RGS21: variants seen among roughly 807,000 people sequenced by gnomAD.
The protein encoded by RGS21 is regulator of G protein signaling 21.
In RGS21, 19 loss-of-function variants were observed where a neutral mutation model predicts 18.7. The ratio of observed to expected loss-of-function variants is 1.01; its 90% confidence interval spans 0.71 to 1.49. RGS21 has a LOEUF of 1.49. RGS21 is among the 40% of genes most tolerant of loss of function. The probability of loss-of-function intolerance (pLI) is 0.00; values close to 1 mark genes in which losing one functional copy is unlikely to be tolerated. For synonymous variants in RGS21, 56 were observed against 57.8 expected (o/e 0.97, Z 0.14); for missense variants, 194 against 176.8 (o/e 1.10, Z -0.55).
chr1:192,319,223 C>G (rs545502849), intron 1 of RGS21, among the ~76,000 whole-genome samples: 2 of 152,218 alleles, frequency 1.3e-5, no homozygotes, highest in African/African-American at 2.4e-5. Flanking sequence ...GCGCTACAGA[C>G]TGGGTGAGAG....
At chr1:192,342,933 T>C in intron 1 of RGS21, 44 bp from the exon 2 acceptor site, 1 of 1,130,420 alleles carries the variant, frequency 8.8e-7, no homozygotes, top group Non-Finnish European at 1.3e-6. Context: ...GGGATAGGTA[T>C]TCGCATACTA....
At chr1:192,343,158 T>C in intron 2 of RGS21, 111 bp downstream of exon 2, 1 of 1,031,662 alleles carries the variant, frequency 9.7e-7, no homozygotes, top group African/African-American at 1.6e-5. Flanking sequence ...AATACGCTAA[T>C]TGTTGTCTTC....
Position 192,337,091 on chromosome 1 carries a change from G to A in RGS21, c.-60-5886G>A, listed in dbSNP as rs1385150895. Among the ~76,000 whole-genome samples the A allele has an allele frequency of 4.6e-5, 7 of 151,950 alleles. No homozygotes were observed. The East Asian group carries it at 1.4e-3, about 29-fold the overall frequency. On this transcript the variant is annotated intron_variant, in intron 1 of 4. Transcript: ENST00000417209. ...GCCATTCCCTTATAAAATAGTCAACGATCTTGTATGCTATACTTAAAATGT... is the reference window on the plus strand; with the variant it reads ...GCCATTCCCTTATAAAATAGTCAACAATCTTGTATGCTATACTTAAAATGT...
At chr1:192,318,416 T>A (rs1172182806) in intron 1 of RGS21, among the ~76,000 whole-genome samples, 2 of 152,072 alleles carry the variant, frequency 1.3e-5, no homozygotes, top group African/African-American at 4.8e-5. Flanking sequence ...GCCTCTAACA[T>A]TCCCCCTCCT....
chr1:192,361,690 T>C (rs1160903488), intron 4 of RGS21, among the ~76,000 whole-genome samples: 3 of 151,932 alleles, frequency 2.0e-5, no homozygotes, highest in African/African-American at 7.3e-5. Context: ...GGATTACAGA[T>C]ACCCACCACC....
At chr1:192,335,911 T>C (rs1334074189) in intron 1 of RGS21, among the ~76,000 whole-genome samples, 1 of 152,192 alleles carries the variant, frequency 6.6e-6, no homozygotes, top group Non-Finnish European at 1.5e-5. Flanking sequence ...AAACAGTTTA[T>C]ATACTACCAG....
intron 1 of RGS21, among the ~76,000 whole-genome samples, chr1:192,340,669 T>C (rs1658844584): frequency 6.6e-6 from 1 of 152,096 alleles, no homozygotes; most frequent in Admixed American, 6.6e-5. Context: ...TATAAAGACA[T>C]ACCTGAGACT....
chr1:192,362,886 T>TA (rs1659205111), intron 4 of RGS21, among the ~76,000 whole-genome samples: 3 of 152,098 alleles, frequency 2.0e-5, no homozygotes, highest in Non-Finnish European at 2.9e-5. Flanking sequence ...GTTCTTACAG[T>TA]GTGCAAGGCA....
intron 3 of RGS21, among the ~76,000 whole-genome samples, chr1:192,351,308 C>A (rs78824420): frequency 0.023 from 3,554 of 152,146 alleles, 58 homozygotes; most frequent in Middle Eastern, 0.034. Flanking sequence ...CAGTTACTTT[C>A]TTGGTTTTGA....
intron 4 of RGS21, among the ~76,000 whole-genome samples, chr1:192,354,709 C>G (rs1659088856): frequency 6.6e-6 from 1 of 151,612 alleles, no homozygotes; most frequent in Admixed American, 6.6e-5. Context: ...ATAACAGACT[C>G]TTATAAAGAA....
chr1:192,335,191 T>C (rs1168529025), intron 1 of RGS21, among the ~76,000 whole-genome samples: 1 of 152,164 alleles, frequency 6.6e-6, no homozygotes, highest in Non-Finnish European at 1.5e-5. Flanking sequence ...TGAAAGAACA[T>C]GGATTTTGGA....
intron 1 of RGS21, among the ~76,000 whole-genome samples, chr1:192,319,108 G>C (rs1243173593): frequency 6.6e-6 from 1 of 152,040 alleles, no homozygotes; most frequent in African/African-American, 2.4e-5. Flanking sequence ...GCCTGGTGTG[G>C]TGTGGTGGTC....
intron 1 of RGS21, among the ~76,000 whole-genome samples, chr1:192,341,450 C>T (rs12087641): frequency 0.32 from 48,798 of 151,930 alleles, 9,224 homozygotes; most frequent in African/African-American, 0.52. Context: ...TATGGCAATC[C>T]TTTGTCAAGA....
At chr1:192,343,399 T>G (rs1658902702) in intron 2 of RGS21, among the ~76,000 whole-genome samples, 1 of 152,100 alleles carries the variant, frequency 6.6e-6, no homozygotes, top group African/African-American at 2.4e-5. Context: ...TACATGGATA[T>G]TAAATGCTGG....
At chr1:192,324,492 TATTTC>T (rs1658539159) in intron 1 of RGS21, among the ~76,000 whole-genome samples, 1 of 152,176 alleles carries the variant, frequency 6.6e-6, no homozygotes, top group East Asian at 1.9e-4. Context: ...TTAAGAAGAG[TATTTC>T]ATTTCAATGT....
intron 1 of RGS21, among the ~76,000 whole-genome samples, chr1:192,329,491 A>G (rs1239731995): frequency 2.0e-5 from 3 of 152,230 alleles, no homozygotes; most frequent in Admixed American, 1.3e-4. Flanking sequence ...TCTGCTTATT[A>G]TTAAGAGAAA....
intron 2 of RGS21, 54 bp downstream of exon 2, chr1:192,343,101 T>C: frequency 6.6e-7 from 1 of 1,507,010 alleles, no homozygotes. Flanking sequence ...AATGAAACAC[T>C]TGAGTCTTCT....
chr1:192,347,331 A>C lies in RGS21; in HGVS notation c.30A>C (p.Ser10=). Residue 10 remains serine, a synonymous_variant, in exon 3 of 5, where the codon TCA becomes TCC. Coordinates refer to ENST00000417209, the MANE Select transcript of RGS21 (RefSeq NM_001039152.3). MPVKCCFYR[S]PTAETMTWSE... is the part of the protein sequence containing the mutation. Reference sequence around the variant, plus strand: ...AGGTTAGATGCTGTTTCTACAGGTCACCAACTGCGGAAACAATGACATGGT... The same window carrying C: ...AGGTTAGATGCTGTTTCTACAGGTCCCCAACTGCGGAAACAATGACATGGT... 6.2e-7 allele frequency: 1 copy of C among 1,606,942 alleles called. No homozygotes were observed. The highest frequency in any genetic ancestry group is 8.5e-7 in the Non-Finnish European group (1 of 1,174,324).
intron 1 of RGS21, among the ~76,000 whole-genome samples, chr1:192,341,679 A>G (rs554960204): frequency 6.6e-6 from 1 of 152,188 alleles, no homozygotes; most frequent in South Asian, 2.1e-4. Flanking sequence ...ACTAAACTCA[A>G]AATAGAAATT....
Sources: gnomAD v4.1 joint callset for allele counts (sites outside exome capture counted in the v4.1 genomes callset) on GRCh38, gnomAD v4.1.1 for gene constraint, MANE v1.5 for transcripts, NCBI Gene and HGNC (gene_info 2026-07-23, HGNC 2026-07-21) for gene names.